N4BP2L2: variants seen among roughly 807,000 people sequenced by gnomAD.
The protein encoded by N4BP2L2 is NEDD4 binding protein 2 like 2, also known as NEDD4-binding protein 2-like 2.
N4BP2L2 carries 50 observed loss-of-function variants against 56.2 expected under a neutral mutation model. The observed-to-expected ratio is 0.89, with a 90% confidence interval of 0.71 to 1.13. N4BP2L2 has a LOEUF of 1.13. Among genes scored for constraint, N4BP2L2 ranks in the 50% most tolerant of loss-of-function variants. The pLI is 0.00. For synonymous variants in N4BP2L2, 203 were observed against 223.6 expected (o/e 0.91, Z 0.82); for missense variants, 689 against 693.8 (o/e 0.99, Z 0.08).
intron 8 of N4BP2L2, chr13:32,438,563 C>T: frequency 9.8e-7 from 1 of 1,023,428 alleles, no homozygotes; most frequent in Non-Finnish European, 1.4e-6. Flanking sequence ...CACGCCATTG[C>T]ACTCCAGCCT....
chr13:32,489,537 AT>A (rs1593811897), intron 6 of N4BP2L2, among the ~76,000 whole-genome samples: 1 of 152,228 alleles, frequency 6.6e-6, no homozygotes, highest in Non-Finnish European at 1.5e-5. Context: ...GAACTAGTTA[AT>A]TTTCAAATCT....
At chr13:32,482,514 ATTT>A (rs113883024) in intron 6 of N4BP2L2, among the ~76,000 whole-genome samples, 1 of 145,666 alleles carries the variant, frequency 6.9e-6, no homozygotes, top group African/African-American at 2.5e-5. Flanking sequence ...TGACCAGCTA[ATTT>A]TTTTTTTTTT....
At chr13:32,499,161 C>G (rs1003001387) in intron 6 of N4BP2L2, among the ~76,000 whole-genome samples, 12 of 152,086 alleles carry the variant, frequency 7.9e-5, no homozygotes, top group Non-Finnish European at 1.5e-4. Flanking sequence ...GGCTTAGGCA[C>G]CAACTCCTAT....
chr13:32,474,551 G>A (rs375165129), intron 6 of N4BP2L2, among the ~76,000 whole-genome samples: 15 of 151,242 alleles, frequency 9.9e-5, no homozygotes, highest in South Asian at 2.1e-4. Context: ...AAAATTAGCC[G>A]GGCATGGTGG....
chr13:32,470,107 T>C (rs571098182), intron 6 of N4BP2L2, among the ~76,000 whole-genome samples: 6 of 152,252 alleles, frequency 3.9e-5, no homozygotes, highest in African/African-American at 1.4e-4. Context: ...TGCTTATGCA[T>C]TGTGTATCTC....
chr13:32,520,265 T>C (rs1056889669), intron 5 of N4BP2L2, among the ~76,000 whole-genome samples: 3 of 151,524 alleles, frequency 2.0e-5, no homozygotes, highest in Non-Finnish European at 2.9e-5. Context: ...TGCAATTAAA[T>C]AGGTGAATTG....
chr13:32,530,615 A>G (rs1298921713), intron 2 of N4BP2L2, among the ~76,000 whole-genome samples: 1 of 152,222 alleles, frequency 6.6e-6, no homozygotes, highest in Non-Finnish European at 1.5e-5. Flanking sequence ...CAAACATTTT[A>G]CATAAATCTA....
intron 6 of N4BP2L2, among the ~76,000 whole-genome samples, chr13:32,497,486 A>G (rs2088990279): frequency 6.6e-6 from 1 of 152,218 alleles, no homozygotes; most frequent in African/African-American, 2.4e-5. Context: ...CAGAGTTCAC[A>G]TCACCCTGAG....
chr13:32,480,784 T>C (rs560932402), intron 6 of N4BP2L2: 19 of 392,730 alleles, frequency 4.8e-5, no homozygotes, highest in South Asian at 4.5e-4. Flanking sequence ...TCCAAGACTG[T>C]ATAGTTAATA....
exon 6 of N4BP2L2, chr13:32,511,610 G>A (rs1017144497): frequency 6.6e-6 from 1 of 152,166 alleles, no homozygotes; most frequent in Non-Finnish European, 1.5e-5. Context: ...ATGCAGAGCT[G>A]TGGTGTATAA....
intron 6 of N4BP2L2, among the ~76,000 whole-genome samples, chr13:32,444,441 AT>A (rs1426817014): frequency 6.6e-6 from 1 of 151,904 alleles, no homozygotes; most frequent in Non-Finnish European, 1.5e-5. Flanking sequence ...ATTTTTTTGT[AT>A]TTTTAGTAGA....
intron 6 of N4BP2L2, among the ~76,000 whole-genome samples, chr13:32,474,178 C>T (rs2082817789): frequency 6.6e-6 from 1 of 151,942 alleles, no homozygotes; most frequent in Admixed American, 6.6e-5. Context: ...AATGTGTAAA[C>T]TTATATAGAT....
At chr13:32,457,991 A>G (rs1458046459) in intron 6 of N4BP2L2, among the ~76,000 whole-genome samples, 1 of 152,156 alleles carries the variant, frequency 6.6e-6, no homozygotes. Context: ...TAAATGGATT[A>G]AAGTTTCCAC....
chr13:32,516,817 G>C (rs1170063239), exon 6 of N4BP2L2: 1 of 798,404 alleles, frequency 1.3e-6, no homozygotes, highest in African/African-American at 1.9e-5. Flanking sequence ...GTTGCAAAGA[G>C]AAATGCTTAA....
chr13:32,526,404 C>T (rs1483602801), intron 3 of N4BP2L2, among the ~76,000 whole-genome samples: 2 of 152,120 alleles, frequency 1.3e-5, no homozygotes, highest in Non-Finnish European at 1.5e-5. Context: ...TGTGTGATAA[C>T]GGCACTGAAG....
intron 9 of N4BP2L2, among the ~76,000 whole-genome samples, chr13:32,434,248 CTTTTTTTCTTTT>C (rs1026854431): frequency 8.9e-6 from 1 of 112,038 alleles, no homozygotes; most frequent in Non-Finnish European, 1.8e-5. Flanking sequence ...AGCTAATTTT[CTTTTTTTCTTTT>C]TTTTTTTTTT....
intron 6 of N4BP2L2, among the ~76,000 whole-genome samples, chr13:32,462,671 C>A (rs1464153102): frequency 1.3e-5 from 2 of 151,846 alleles, no homozygotes; most frequent in Non-Finnish European, 2.9e-5. Context: ...ACCCTAAATA[C>A]CCTGACTGAT....
At chr13:32,507,913 T>C (rs2091210231), downstream of N4BP2L2, 2 of 152,072 alleles carry the variant, frequency 1.3e-5, no homozygotes, top group Non-Finnish European at 2.9e-5. Context: ...TGAGACCACA[T>C]AGGGAAAGCT....
At chr13:32,518,079 A>G (rs2049675977) in intron 5 of N4BP2L2, 76 bp from the exon 6 acceptor site, 1 of 1,314,608 alleles carries the variant, frequency 7.6e-7, no homozygotes, top group Admixed American at 2.6e-5. Flanking sequence ...TTAGAGAAAA[A>G]GCACACAAAT....
Sources: allele counts gnomAD v4.1 joint callset (sites outside exome capture counted in the v4.1 genomes callset), GRCh38; gene constraint gnomAD v4.1.1; transcripts MANE v1.5; gene names NCBI Gene and HGNC (gene_info 2026-07-23, HGNC 2026-07-21).